RBFOX1: variants seen among roughly 807,000 people sequenced by gnomAD.
RBFOX1 encodes RNA binding fox-1 homolog 1, also known as RNA binding protein fox-1 homolog 1.
Under a neutral mutation model 57.7 loss-of-function variants are expected in RBFOX1, and 8 were observed. That is an observed-to-expected ratio of 0.14 (90% CI 0.08 to 0.25). RBFOX1 has a LOEUF of 0.25. Among genes scored for constraint, RBFOX1 ranks in the 10% least tolerant of loss-of-function variants. The pLI is 1.00. For missense variants in RBFOX1, 611 were observed against 548.5 expected (o/e 1.11, Z -1.14); for synonymous variants, 326 against 222.4 (o/e 1.47, Z -4.15).
At chr16:6,473,163 C>T (rs965571769) in intron 2 of RBFOX1, among the ~76,000 whole-genome samples, 3 of 152,178 alleles carry the variant, frequency 2.0e-5, no homozygotes, top group Non-Finnish European at 4.4e-5. Flanking sequence ...TTGGCTCTCA[C>T]AGCTCTTATC....
intron 1 of RBFOX1, among the ~76,000 whole-genome samples, chr16:5,286,436 G>T (rs1219084481): frequency 6.6e-6 from 1 of 152,172 alleles, no homozygotes; most frequent in African/African-American, 2.4e-5. Flanking sequence ...ACTAGCTCTG[G>T]AGGCAGGGGA....
chr16:5,806,438 G>A (rs1381619640), intron 3 of RBFOX1, among the ~76,000 whole-genome samples: 4 of 152,186 alleles, frequency 2.6e-5, no homozygotes. Context: ...GGGAGCCAAA[G>A]CTAGTTGCCT....
intron 1 of RBFOX1, among the ~76,000 whole-genome samples, chr16:5,454,911 T>TTCCTTCCTTCC (rs1286160978): frequency 5.3e-5 from 5 of 94,378 alleles, no homozygotes; most frequent in African/African-American, 1.3e-4. Context: ...TCTTTCTTTC[T>TTCCTTCCTTCC]TTCCTTTGTT....
At chr16:7,657,739 T>G (rs1454352305) in intron 12 of RBFOX1, among the ~76,000 whole-genome samples, 2 of 152,196 alleles carry the variant, frequency 1.3e-5, no homozygotes, top group Non-Finnish European at 2.9e-5. Flanking sequence ...AGAAACCTCT[T>G]GGGACATTAA....
At chr16:7,160,475 G>T (rs1294408104) in intron 4 of RBFOX1, among the ~76,000 whole-genome samples, 1 of 152,006 alleles carries the variant, frequency 6.6e-6, no homozygotes, top group Non-Finnish European at 1.5e-5. Context: ...GTAACGTGCA[G>T]CATGAACTAC....
At chr16:6,705,813 T>C (rs573471092) in intron 3 of RBFOX1, among the ~76,000 whole-genome samples, 61 of 151,956 alleles carry the variant, frequency 4.0e-4, no homozygotes, top group African/African-American at 1.5e-3. Context: ...AGCTCAGGAG[T>C]CCAAGACCAT....
intron 2 of RBFOX1, among the ~76,000 whole-genome samples, chr16:6,372,606 T>C (rs2090603491): frequency 6.8e-6 from 1 of 146,292 alleles, no homozygotes; most frequent in Admixed American, 6.8e-5. Flanking sequence ...GGATAGTTCA[T>C]TGGGATCACT....
chr16:6,035,216 A>G, intron 1 of RBFOX1, among the ~76,000 whole-genome samples: 1 of 152,180 alleles, frequency 6.6e-6, no homozygotes, highest in Non-Finnish European at 1.5e-5. Context: ...AAAGAGCAAA[A>G]TATGCCGTGG....
intron 14 of RBFOX1, among the ~76,000 whole-genome samples, chr16:7,704,038 C>G (rs1458326154): frequency 6.6e-6 from 1 of 152,094 alleles, no homozygotes; most frequent in Non-Finnish European, 1.5e-5. Context: ...TTGAATGCAC[C>G]TTGAGTTAGG....
chr16:6,181,993 A>G (rs1030384202), intron 1 of RBFOX1, among the ~76,000 whole-genome samples: 1 of 152,136 alleles, frequency 6.6e-6, no homozygotes, highest in Non-Finnish European at 1.5e-5. Context: ...ATCATTTCTG[A>G]TCATACTGTA....
chr16:7,031,289 A>G (rs1442698963), intron 3 of RBFOX1, among the ~76,000 whole-genome samples: 2 of 152,158 alleles, frequency 1.3e-5, no homozygotes, highest in Non-Finnish European at 2.9e-5. Flanking sequence ...TTGTGACTAC[A>G]CTGTAGAGAT....
chr16:7,566,261 T>C (rs938938201), intron 5 of RBFOX1, among the ~76,000 whole-genome samples: 1 of 152,114 alleles, frequency 6.6e-6, no homozygotes, highest in African/African-American at 2.4e-5. Flanking sequence ...CAGCCTGCTT[T>C]TGATTGCTTT....
At chr16:5,347,363 C>T (rs966717802) in intron 1 of RBFOX1, among the ~76,000 whole-genome samples, 44 of 152,108 alleles carry the variant, frequency 2.9e-4, no homozygotes, top group Admixed American at 2.6e-3. Context: ...ACTCAGCCTC[C>T]TTGAATCATA....
At chr16:6,812,136 G>A (rs994266954) in intron 3 of RBFOX1, among the ~76,000 whole-genome samples, 7 of 152,044 alleles carry the variant, frequency 4.6e-5, no homozygotes, top group East Asian at 1.9e-4. Flanking sequence ...AAGCAAAATC[G>A]TTTTAAATTA....
chr16:7,023,462 A>T (rs376946901), intron 3 of RBFOX1, among the ~76,000 whole-genome samples: 12 of 150,994 alleles, frequency 7.9e-5, no homozygotes, highest in African/African-American at 2.9e-4. Flanking sequence ...TCCATCTCAA[A>T]AAAAAAAAGA....
At chr16:5,829,179 C>T (rs566602403) in intron 3 of RBFOX1, among the ~76,000 whole-genome samples, 6 of 152,136 alleles carry the variant, frequency 3.9e-5, no homozygotes, top group Non-Finnish European at 8.8e-5. Flanking sequence ...TTAGAAGCTG[C>T]CTGCCACACT....
rs150966743 is a variant in RBFOX1, at chr16:7,194,214, C to T, written c.27+142116C>T. Among the ~76,000 whole-genome samples, 451 of 152,224 alleles carry T rather than the reference C, an allele frequency of 3.0e-3. 4 individuals are homozygous for T. Among genetic ancestry groups the T allele is most frequent in the South Asian group, 4.6e-3 (22 of 4,816 alleles). ...TTTTTAGTAATAAAATGGAAGCCTC[C>T]GGCTCAGTGTCTACAGGTAATGGTT... On this transcript the variant is annotated intron_variant, in intron 4 of 15. Transcript: ENST00000550418.
chr16:6,910,146 G>C (rs1596935272), intron 3 of RBFOX1, among the ~76,000 whole-genome samples: 1 of 152,000 alleles, frequency 6.6e-6, no homozygotes, highest in African/African-American at 2.4e-5. Context: ...TTCTAGCGGG[G>C]CTTTGATGGA....
intron 1 of RBFOX1, among the ~76,000 whole-genome samples, chr16:5,443,290 C>T (rs943441951): frequency 6.6e-6 from 1 of 152,174 alleles, no homozygotes; most frequent in Non-Finnish European, 1.5e-5. Context: ...ACTAGGAAAT[C>T]ATCGGGCAGG....
Sources: gnomAD v4.1 joint callset for allele counts (sites outside exome capture counted in the v4.1 genomes callset) on GRCh38, gnomAD v4.1.1 for gene constraint, MANE v1.5 for transcripts, NCBI Gene and HGNC (gene_info 2026-07-23, HGNC 2026-07-21) for gene names.